Variants in SLC25A24 observed in about 807,000 individuals in gnomAD.
The protein encoded by SLC25A24 is mitochondrial adenyl nucleotide antiporter SLC25A24.
Under a neutral mutation model 60.7 loss-of-function variants are expected in SLC25A24, and 49 were observed. The observed-to-expected ratio is 0.81, with a 90% confidence interval of 0.64 to 1.02. SLC25A24 has a LOEUF of 1.02. Ranked by LOEUF, SLC25A24 falls within the 50% of genes least tolerant of loss-of-function variation. The pLI, the probability that SLC25A24 is intolerant of heterozygous loss-of-function variation, is 0.00. For synonymous variants in SLC25A24, 202 were observed against 200.6 expected (o/e 1.01, Z -0.06); for missense variants, 564 against 586.3 (o/e 0.96, Z 0.39).
At chr1:108,195,775 G>T (rs908556806) in intron 1 of SLC25A24, among the ~76,000 whole-genome samples, 1 of 152,172 alleles carries the variant, frequency 6.6e-6, no homozygotes, top group Non-Finnish European at 1.5e-5. Context: ...GAGGCAGGCA[G>T]ATCACTAGAG....
At chr1:108,138,863 G>A (rs1328237182) in intron 9 of SLC25A24, among the ~76,000 whole-genome samples, 195 bp downstream of exon 9, 1 of 152,058 alleles carries the variant, frequency 6.6e-6, no homozygotes, top group South Asian at 2.1e-4. Flanking sequence ...TGCTTCTGTC[G>A]CATTAAAATT....
chr1:108,165,042 C>T (rs1159418825), intron 3 of SLC25A24, among the ~76,000 whole-genome samples: 2 of 146,146 alleles, frequency 1.4e-5, no homozygotes, highest in Non-Finnish European at 3.0e-5. Flanking sequence ...GCCTTCATTT[C>T]GTTATGTACC....
intron 1 of SLC25A24, among the ~76,000 whole-genome samples, chr1:108,188,605 G>A (rs1648230802): frequency 6.6e-6 from 1 of 152,154 alleles, no homozygotes; most frequent in Non-Finnish European, 1.5e-5. Context: ...CGACCAAAAG[G>A]GGCTTGCTGC....
chr1:108,200,201 GA>G lies in SLC25A24; in HGVS notation c.-64del. ...CGGGAGATCGAGGGCTGCGGGGCGAGACCGGGACCAGCGCGAGGCCGGGCTG... is the reference window on the plus strand; with the variant it reads ...CGGGAGATCGAGGGCTGCGGGGCGAGCCGGGACCAGCGCGAGGCCGGGCTG... On this transcript the variant is annotated 5_prime_UTR_variant, in exon 1 of 10. Coordinates refer to ENST00000565488, the MANE Select transcript of SLC25A24 (RefSeq NM_013386.5). The G allele has an allele frequency of 1.4e-6, 2 of 1,447,500 alleles. No individual in the cohort carries two copies. Among genetic ancestry groups the G allele is most frequent in the Non-Finnish European group, 1.8e-6 (2 of 1,096,654 alleles). The allele number at this position is 1,447,500 out of a possible 1,614,324, so 89.7% of individuals were successfully genotyped here.
intron 6 of SLC25A24, among the ~76,000 whole-genome samples, chr1:108,152,378 T>TTTA (rs1558011164): frequency 2.1e-3 from 321 of 151,596 alleles, no homozygotes; most frequent in African/African-American, 6.3e-3. Flanking sequence ...TTATTTATTT[T>TTTA]TTTTTTGAGA....
intron 3 of SLC25A24, among the ~76,000 whole-genome samples, chr1:108,177,936 G>A (rs549043801): frequency 7.9e-5 from 12 of 152,108 alleles, no homozygotes; most frequent in Admixed American, 2.6e-4. Flanking sequence ...AGGCCAAGGC[G>A]GGTGGATCAT....
At position 108,153,692 on chromosome 1, in the gene SLC25A24, G is replaced by A. The variant is rs191402510; in HGVS notation, c.822+1291C>T. Among the ~76,000 whole-genome samples, 5 of 152,338 alleles carry A rather than the reference G, an allele frequency of 3.3e-5. No individual in the cohort carries two copies. The East Asian group carries it at 7.7e-4, about 23-fold the overall frequency. On this transcript the variant is annotated intron_variant, in intron 6 of 9. Coordinates refer to ENST00000565488, the MANE Select transcript of SLC25A24 (RefSeq NM_013386.5). ...TTTCTCTTCATGTCTAAGAAAGTTA[G>A]TGTGCAGAAATCACAATACTATAAA...
At chr1:108,141,966 C>CTA (rs1679453508) in intron 8 of SLC25A24, among the ~76,000 whole-genome samples, 1 of 152,094 alleles carries the variant, frequency 6.6e-6, no homozygotes, top group Non-Finnish European at 1.5e-5. Context: ...ACTTACTGTA[C>CTA]TATATATTTA....
Position 108,136,474 on chromosome 1 carries a change from A to G in SLC25A24, c.*179T>C. 1.8e-6 allele frequency: 1 copy of G among 558,856 alleles called. No individual in the cohort carries two copies. The highest frequency in any genetic ancestry group is 3.2e-6 in the Non-Finnish European group (1 of 317,404). The allele number at this position is 558,856 out of a possible 1,614,324, so 34.6% of individuals were successfully genotyped here. On this transcript the variant is annotated 3_prime_UTR_variant, in exon 10 of 10. Coordinates refer to ENST00000565488, the MANE Select transcript of SLC25A24 (RefSeq NM_013386.5). The stretch of plus-strand genomic sequence containing the variant: ...AAAACACATTAAAACTATGATTTTG[A>G]ACATTTCTGTGTACATATAATTTAG...
chr1:108,182,029 C>T lies in SLC25A24; in HGVS notation c.311-1G>A. 6.2e-7 allele frequency: 1 copy of T among 1,600,464 alleles called. No individual in the cohort carries two copies. The highest frequency in any genetic ancestry group is 8.5e-7 in the Non-Finnish European group (1 of 1,169,636). The stretch of plus-strand genomic sequence containing the variant: ...ACAATTTCTGAAGCCTCAATTTTTC[C>T]TTTAAAAAAATAAAAAGGGCAAAAA... On this transcript the variant is annotated splice_acceptor_variant, in intron 2 of 9. Coordinates refer to ENST00000565488, the MANE Select transcript of SLC25A24 (RefSeq NM_013386.5). LOFTEE classifies it high-confidence loss of function.
chr1:108,185,676 C>G (rs1327828409), intron 2 of SLC25A24, 152 bp downstream of exon 2: 1 of 580,270 alleles, frequency 1.7e-6, no homozygotes, highest in Non-Finnish European at 2.9e-6. Context: ...AATATAAACT[C>G]TACATAAAAA....
chr1:108,170,855 A>G (rs1288438331), intron 3 of SLC25A24, among the ~76,000 whole-genome samples: 1 of 152,118 alleles, frequency 6.6e-6, no homozygotes. Flanking sequence ...AAACTGAGAA[A>G]GTCCTAACTG....
In SLC25A24 at chr1:108,194,751, T is replaced by C. The variant is rs1240138158; in HGVS notation, c.183+5205A>G. On this transcript the variant is annotated intron_variant, in intron 1 of 9. Coordinates refer to ENST00000565488, the MANE Select transcript of SLC25A24 (RefSeq NM_013386.5). ...ACGCTGTCAGTGTTGTTCACCACTATATCCCCAGTTCATTAAACAATGTCT... is the reference window on the plus strand; with the variant it reads ...ACGCTGTCAGTGTTGTTCACCACTACATCCCCAGTTCATTAAACAATGTCT... Among the ~76,000 whole-genome samples the C allele has an allele frequency of 6.6e-5, 10 of 152,218 alleles. No homozygotes were observed. In the East Asian group the frequency reaches 1.9e-3, roughly 29 times the overall value.
chr1:108,192,611 AG>A, intron 1 of SLC25A24: 1 of 1,497,292 alleles, frequency 6.7e-7, no homozygotes. Context: ...ATCTCCGTAG[AG>A]GGAGTCCATC....
At chr1:108,157,973 A>T (rs975063695) in intron 4 of SLC25A24, among the ~76,000 whole-genome samples, 2 of 151,618 alleles carry the variant, frequency 1.3e-5, no homozygotes, top group Non-Finnish European at 2.9e-5. Flanking sequence ...CATTTTTCAT[A>T]AGGCTAGAAA....
intron 1 of SLC25A24, among the ~76,000 whole-genome samples, chr1:108,193,490 T>G (rs1048146420): frequency 1.4e-5 from 2 of 140,256 alleles, no homozygotes; most frequent in Non-Finnish European, 3.1e-5. Context: ...GCTGCATTCA[T>G]ATTGCTGCAA....
At chr1:108,138,866 T>C (rs750967397) in intron 9 of SLC25A24, among the ~76,000 whole-genome samples, 192 bp downstream of exon 9, 2 of 152,192 alleles carry the variant, frequency 1.3e-5, no homozygotes, top group African/African-American at 2.4e-5. Context: ...TTCTGTCGCA[T>C]TAAAATTTCA....
At position 108,157,564 on chromosome 1, in the gene SLC25A24, T is replaced by C. The variant is rs113000432; in HGVS notation, c.567A>G (p.Lys189=). ...GCTGCCTCCACCATTGTCCGGATTT[T>C]TTTTCGTCTTCCGTGAATTCATCTG... ...TIPDEFTEDE[K]KSGQWWRQLL... The change falls in exon 5 of 10, where the codon AAA becomes AAG. Residue 189 remains lysine, a synonymous_variant. Coordinates refer to ENST00000565488, the MANE Select transcript of SLC25A24 (RefSeq NM_013386.5). 4 of 1,614,152 alleles carry C rather than the reference T, an allele frequency of 2.5e-6. No homozygotes were observed. The highest frequency in any genetic ancestry group is 2.7e-5 in the African/African-American group (2 of 75,048).
At chr1:108,188,171 AACATGGGGTGC>A (rs1191572360) in intron 1 of SLC25A24, among the ~76,000 whole-genome samples, 1 of 151,872 alleles carries the variant, frequency 6.6e-6, no homozygotes, top group Non-Finnish European at 1.5e-5. Flanking sequence ...ATGGGAGCAA[AACATGGGGTGC>A]ACACGGATAT....
Sources: allele counts gnomAD v4.1 joint callset (sites outside exome capture counted in the v4.1 genomes callset), GRCh38; gene constraint gnomAD v4.1.1; transcripts MANE v1.5; gene names NCBI Gene and HGNC (gene_info 2026-07-23, HGNC 2026-07-21).